TMCO4: variants seen among roughly 807,000 people sequenced by gnomAD.
TMCO4 encodes transmembrane and coiled-coil domain-containing protein 4.
In TMCO4, 58 loss-of-function variants were observed where a neutral mutation model predicts 64.7. The ratio of observed to expected loss-of-function variants is 0.90; its 90% CI spans 0.73 to 1.12. The LOEUF (loss-of-function observed/expected upper bound fraction) is 1.12, where lower values mean the gene tolerates loss of function less well. Among genes scored for constraint, TMCO4 ranks in the 50% most tolerant of loss-of-function variants. The pLI, the probability that TMCO4 is intolerant of heterozygous loss-of-function variation, is 0.00. For synonymous variants in TMCO4, 325 were observed against 346.1 expected, an observed-to-expected ratio of 0.94 and a Z score of 0.68; for missense variants, 780 against 825.9, an observed-to-expected ratio of 0.94 and a Z score of 0.68.
chr1:19,683,232 G>A lies in TMCO4; in HGVS notation c.1713C>T (p.Ser571=). The A allele has an allele frequency of 1.2e-6, 2 of 1,614,224 alleles. No individual in the cohort carries two copies. Among genetic ancestry groups the A allele is most frequent in the Non-Finnish European group, 1.7e-6 (2 of 1,180,036 alleles). The stretch of plus-strand genomic sequence containing the variant: ...TGGGGTCTGTGGACATGGCCAATTT[G>A]GAGGTGTCTCCGGATATGGGACCCT... The part of the protein sequence containing the change: ...QTQGPISGDT[S]KLAMSTDPSQ... Residue 571 remains serine, a synonymous_variant, in exon 16 of 16, where the codon TCC becomes TCT. Transcript: ENST00000294543.
chr1:19,698,214 C>T (rs1459776365), intron 14 of TMCO4, among the ~76,000 whole-genome samples: 1 of 152,234 alleles, frequency 6.6e-6, no homozygotes, highest in Non-Finnish European at 1.5e-5. Context: ...GTCCTCCCTG[C>T]TCCTTCTTCT....
In TMCO4 at chr1:19,737,390, C is replaced by T. The variant is rs1281356798; in HGVS notation, c.1246G>A (p.Glu416Lys). ...TGCTCACCTTTCTCTTGAGCCATCT[C>T]CTGCAGACAGAAGTAGATGACTCTG... ...GARVIYFCLQ[E>K]MAQEKDCQGI... The change falls in exon 13 of 16, where the codon GAG (glutamate) becomes AAG (lysine). Residue 416 changes from glutamate (E) to lysine (K), a missense_variant. By Grantham distance (56) the Glu-to-Lys change is moderately conservative. Coordinates refer to ENST00000294543, the MANE Select transcript of TMCO4 (RefSeq NM_181719.7). 3 of 1,613,596 alleles carry T rather than the reference C, an allele frequency of 1.9e-6. No homozygotes were observed. The highest frequency in any genetic ancestry group is 3.3e-5 in the Admixed American group (2 of 59,994).
intron 13 of TMCO4, among the ~76,000 whole-genome samples, chr1:19,726,187 G>C (rs979203205): frequency 6.6e-6 from 1 of 152,204 alleles, no homozygotes; most frequent in Non-Finnish European, 1.5e-5. Flanking sequence ...GCAGGGGAGA[G>C]AGACCTGTGG....
chr1:19,691,302 G>C (rs954028659), intron 15 of TMCO4, among the ~76,000 whole-genome samples: 5 of 152,144 alleles, frequency 3.3e-5, no homozygotes, highest in African/African-American at 1.2e-4. Flanking sequence ...TCCTCTGGTG[G>C]GTTAGGAATT....
In TMCO4 at chr1:19,728,501, C is replaced by G. The variant is rs1241203849; in HGVS notation, c.1264+8871G>C. ...AGCTCTGATTTTCAAGGCATTTTCACCAGGTCATCTCCTCTGACTCTCTGG... is the reference window on the plus strand; with the variant it reads ...AGCTCTGATTTTCAAGGCATTTTCAGCAGGTCATCTCCTCTGACTCTCTGG... On this transcript the variant is annotated intron_variant, in intron 13 of 15. Transcript: ENST00000294543. 2.0e-5 allele frequency among the ~76,000 whole-genome samples: 3 copies of G among 152,360 alleles called. No individual in the cohort carries two copies. In the East Asian group the frequency reaches 5.8e-4, roughly 29 times the overall value.
intron 13 of TMCO4, among the ~76,000 whole-genome samples, chr1:19,718,514 G>C (rs1002984479): frequency 5.3e-5 from 8 of 151,530 alleles, no homozygotes; most frequent in African/African-American, 1.9e-4. Flanking sequence ...TTAGCCAGGT[G>C]TGGTGGCATG....
intron 7 of TMCO4, among the ~76,000 whole-genome samples, chr1:19,755,403 C>T (rs959067292): frequency 1.2e-4 from 19 of 152,200 alleles, no homozygotes; most frequent in Non-Finnish European, 1.3e-4. Flanking sequence ...GCGTAAGCCA[C>T]CATGCCTGGC....
At chr1:19,750,658 CCT>C (rs1055482853) in intron 7 of TMCO4, among the ~76,000 whole-genome samples, 3 of 152,090 alleles carry the variant, frequency 2.0e-5, no homozygotes, top group African/African-American at 7.2e-5. Flanking sequence ...TGTCCTGATC[CCT>C]CTCTCCCCCT....
At chr1:19,782,828 C>T (rs181396924) in intron 3 of TMCO4, among the ~76,000 whole-genome samples, 8 of 152,256 alleles carry the variant, frequency 5.3e-5, no homozygotes, top group East Asian at 3.9e-4. Context: ...CAGACCTGGG[C>T]GTGAAAACAA....
intron 14 of TMCO4, among the ~76,000 whole-genome samples, chr1:19,694,756 T>G (rs374172459): frequency 6.6e-6 from 1 of 152,222 alleles, no homozygotes; most frequent in Admixed American, 6.5e-5. Flanking sequence ...AGGCATGGTG[T>G]GCAGGGCTAT....
chr1:19,771,425 A>T lies in TMCO4; in HGVS notation c.237T>A (p.Ala79=). ...GLVQWLELSE[A]VLPTMTAFAS... ...CAAAAGCAGTCATGGTTGGCAAGACAGCTTCAGACAACTCCAGCCACTGCA... is the reference window on the plus strand; with the variant it reads ...CAAAAGCAGTCATGGTTGGCAAGACTGCTTCAGACAACTCCAGCCACTGCA... The change falls in exon 5 of 16, where the codon GCT becomes GCA. Residue 79 remains alanine (A), a synonymous_variant. Transcript: ENST00000294543. 1 of 1,614,162 alleles carries T rather than the reference A, an allele frequency of 6.2e-7. No homozygotes were observed. Among genetic ancestry groups the T allele is most frequent in the Non-Finnish European group, 8.5e-7 (1 of 1,180,018 alleles).
rs2095108243 is a variant in TMCO4 at position 19,682,284 on chromosome 1, T to C, written c.*756A>G. 2 of 261,160 alleles carry C rather than the reference T, an allele frequency of 7.7e-6. No homozygotes were observed. Among genetic ancestry groups the C allele is most frequent in the Non-Finnish European group, 1.5e-5 (2 of 133,996 alleles). The allele number at this position is 261,160 out of a possible 1,614,324, so 16.2% of individuals were successfully genotyped here. On this transcript the variant is annotated 3_prime_UTR_variant, in exon 16 of 16. Coordinates refer to ENST00000294543, the MANE Select transcript of TMCO4 (RefSeq NM_181719.7). ...TTGCTGTTGTTATCCCCTCTGTTCC[T>C]GCTACAGGAAATTCTTTCCATGTAA...
chr1:19,731,661 T>C (rs2095430587), intron 13 of TMCO4, among the ~76,000 whole-genome samples: 1 of 152,086 alleles, frequency 6.6e-6, no homozygotes, highest in African/African-American at 2.4e-5. Context: ...AGGCCCTGAG[T>C]GTGTGTGTAT....
chr1:19,702,888 T>C (rs919418493), intron 13 of TMCO4, among the ~76,000 whole-genome samples: 1 of 152,378 alleles, frequency 6.6e-6, no homozygotes, highest in Non-Finnish European at 1.5e-5. Context: ...CAGATGGGCA[T>C]GTGGACCAGG....
chr1:19,689,883 A>T (rs1453817658), intron 15 of TMCO4, among the ~76,000 whole-genome samples: 3 of 152,244 alleles, frequency 2.0e-5, no homozygotes, highest in Non-Finnish European at 4.4e-5. Context: ...GACAGGAGGC[A>T]GCCAAATGCC....
At chr1:19,780,828 GAC>G in intron 3 of TMCO4, 62 bp from the exon 4 acceptor site, 1 of 1,350,926 alleles carries the variant, frequency 7.4e-7, no homozygotes, top group South Asian at 1.4e-5. Flanking sequence ...ACTTAAGCAT[GAC>G]ACAGAACTTA....
chr1:19,797,954 G>GAA (rs1365794062), intron 2 of TMCO4, 183 bp downstream of exon 2: 6 of 112,218 alleles, frequency 5.3e-5, no homozygotes, highest in African/African-American at 3.2e-4. Flanking sequence ...GAGAGAAAGA[G>GAA]AGAGAAAAGA....
intron 6 of TMCO4, among the ~76,000 whole-genome samples, chr1:19,765,701 G>C (rs979269936): frequency 2.0e-5 from 3 of 152,020 alleles, no homozygotes; most frequent in African/African-American, 7.3e-5. Context: ...GCTACTAGAT[G>C]AGGAGAAGGA....
rs2095436457 is a variant in TMCO4, at chr1:19,732,969, T to C, written c.1264+4403A>G. Among the ~76,000 whole-genome samples the C allele has an allele frequency of 6.6e-6, 1 of 151,950 alleles. No homozygotes were observed. The highest frequency in any genetic ancestry group is 2.0e-4 in the East Asian group (1 of 5,122). The stretch of plus-strand genomic sequence containing the variant: ...TGCTGACTACCTACTCATCTGTCAA[T>C]ATAGAAGTTTTCTAGGCCGGGCACG... On this transcript the variant is annotated intron_variant, in intron 13 of 15. Transcript: ENST00000294543. This position sits in a 1 kb window ranked among gnomAD's most constrained non-coding sequence, Gnocchi z 4.8.
Sources: allele counts gnomAD v4.1 joint callset (sites outside exome capture counted in the v4.1 genomes callset), GRCh38; gene constraint gnomAD v4.1.1; non-coding constraint Gnocchi (gnomAD v3.1); transcripts MANE v1.5; gene names NCBI Gene and HGNC (gene_info 2026-07-23, HGNC 2026-07-21).